CSMD1: variants seen among roughly 807,000 people sequenced by gnomAD.
CSMD1 encodes the protein CUB and Sushi multiple domains 1.
In CSMD1, 213 loss-of-function variants were observed where a neutral mutation model predicts 417.5. That is an observed-to-expected ratio of 0.51 (90% confidence interval 0.46 to 0.57). The LOEUF is 0.57. CSMD1 is among the 20% of genes least tolerant of loss of function. The pLI is 0.00. For synonymous variants in CSMD1, 2,862 were observed against 1,736.8 expected, an observed-to-expected ratio of 1.65 and a Z score of -16.11; for missense variants, 6,923 against 4,529.7, an observed-to-expected ratio of 1.53 and a Z score of -15.17.
intron 5 of CSMD1, among the ~76,000 whole-genome samples, chr8:3,990,307 T>C (rs1180165780): frequency 6.6e-6 from 1 of 152,220 alleles, no homozygotes; most frequent in Non-Finnish European, 1.5e-5. Flanking sequence ...TATTTTTCAA[T>C]AAAATGAGGT....
At chr8:4,528,053 A>G (rs1176784571) in intron 2 of CSMD1, among the ~76,000 whole-genome samples, 1 of 152,164 alleles carries the variant, frequency 6.6e-6, no homozygotes, top group Non-Finnish European at 1.5e-5. Context: ...CAAAGCCTAG[A>G]GCCTTTCCCA....
At chr8:3,399,370 G>A (rs372131108) in intron 16 of CSMD1, 21 bp downstream of exon 16, 2 of 1,584,956 alleles carry the variant, frequency 1.3e-6, no homozygotes, top group Non-Finnish European at 1.7e-6. Context: ...GGGTCCAAAT[G>A]AAGACTAATT....
intron 8 of CSMD1, among the ~76,000 whole-genome samples, chr8:3,591,472 C>A (rs985888107): frequency 6.6e-6 from 1 of 152,150 alleles, no homozygotes; most frequent in African/African-American, 2.4e-5. Flanking sequence ...ACTTATTAAA[C>A]ATTGGTATCA....
intron 1 of CSMD1, among the ~76,000 whole-genome samples, chr8:4,659,676 G>T (rs1298373277): frequency 6.6e-6 from 1 of 152,058 alleles, no homozygotes; most frequent in Non-Finnish European, 1.5e-5. Flanking sequence ...ATGAGTATGG[G>T]GTTTCCTTTT....
At chr8:3,052,140 G>C (rs1009361331) in intron 50 of CSMD1, among the ~76,000 whole-genome samples, 12 of 152,102 alleles carry the variant, frequency 7.9e-5, no homozygotes, top group Non-Finnish European at 1.2e-4. Flanking sequence ...TTATTGCAGG[G>C]CTTAATGTCT....
chr8:3,866,182 A>C (rs992912131), intron 5 of CSMD1, among the ~76,000 whole-genome samples: 5 of 152,248 alleles, frequency 3.3e-5, no homozygotes, highest in African/African-American at 1.2e-4. Context: ...CTACATACAC[A>C]TCTAAGCCTA....
intron 1 of CSMD1, among the ~76,000 whole-genome samples, chr8:4,890,971 T>C (rs1383593295): frequency 6.6e-6 from 1 of 152,078 alleles, no homozygotes; most frequent in Admixed American, 6.5e-5. Flanking sequence ...TGGTGTTTGA[T>C]TTCATAGTAA....
At chr8:4,753,119 T>C (rs1456237545) in intron 1 of CSMD1, among the ~76,000 whole-genome samples, 1 of 152,150 alleles carries the variant, frequency 6.6e-6, no homozygotes, top group Non-Finnish European at 1.5e-5. Flanking sequence ...ATTTTATGGA[T>C]AAGAAAAGCG....
At chr8:3,754,707 G>A (rs1218015647) in intron 5 of CSMD1, among the ~76,000 whole-genome samples, 1 of 152,192 alleles carries the variant, frequency 6.6e-6, no homozygotes, top group Non-Finnish European at 1.5e-5. Flanking sequence ...TGCCTGCCTT[G>A]GCCTTCCAAA....
chr8:4,115,321 G>T (rs1014124693), intron 3 of CSMD1, among the ~76,000 whole-genome samples: 1 of 152,112 alleles, frequency 6.6e-6, no homozygotes. Context: ...TAAAATTAAG[G>T]TATGTACACA....
intron 2 of CSMD1, among the ~76,000 whole-genome samples, chr8:4,587,125 C>T (rs1009539115): frequency 2.0e-5 from 3 of 152,114 alleles, no homozygotes; most frequent in Non-Finnish European, 4.4e-5. Flanking sequence ...ATTAGGTGCG[C>T]TCTCTTCTTC....
intron 3 of CSMD1, among the ~76,000 whole-genome samples, chr8:4,358,759 G>A (rs1397953568): frequency 6.6e-6 from 1 of 152,048 alleles, no homozygotes; most frequent in Non-Finnish European, 1.5e-5. Flanking sequence ...ATTTCAAAAA[G>A]CAATTAGGTT....
chr8:3,721,901 C>G (rs932609539), intron 6 of CSMD1, among the ~76,000 whole-genome samples: 1 of 152,078 alleles, frequency 6.6e-6, no homozygotes, highest in African/African-American at 2.4e-5. Context: ...AGCTGACTGT[C>G]CACAATGGGA....
chr8:3,663,364 T>C (rs1798517013), intron 7 of CSMD1, among the ~76,000 whole-genome samples: 1 of 152,122 alleles, frequency 6.6e-6, no homozygotes, highest in Admixed American at 6.5e-5. Flanking sequence ...AGTTTGACTT[T>C]ATAAAGGGGC....
chr8:3,935,204 G>A (rs1018827270), intron 5 of CSMD1, among the ~76,000 whole-genome samples: 8 of 152,112 alleles, frequency 5.3e-5, no homozygotes, highest in Non-Finnish European at 1.0e-4. Flanking sequence ...TAATAACAAA[G>A]CTCCAACAGA....
intron 3 of CSMD1, among the ~76,000 whole-genome samples, chr8:4,292,717 G>C (rs77676750): frequency 0.065 from 9,938 of 152,082 alleles, 442 homozygotes; most frequent in African/African-American, 0.11. Context: ...CTATGTTATA[G>C]TCTTAATATT....
intron 3 of CSMD1, among the ~76,000 whole-genome samples, chr8:4,244,424 G>C (rs1007518592): frequency 2.0e-5 from 3 of 152,080 alleles, no homozygotes; most frequent in African/African-American, 7.2e-5. Context: ...AGAAAAGCAG[G>C]CCTGTATATT....
chr8:4,051,540 G>C (rs184475555), intron 3 of CSMD1, among the ~76,000 whole-genome samples: 3 of 152,186 alleles, frequency 2.0e-5, no homozygotes, highest in African/African-American at 7.2e-5. Context: ...CGAATCAGCA[G>C]AGAAAAGCAA....
intron 3 of CSMD1, among the ~76,000 whole-genome samples, chr8:4,198,913 A>G (rs762063119): frequency 5.3e-5 from 8 of 151,466 alleles, no homozygotes; most frequent in African/African-American, 7.3e-5. Context: ...CTTTCCTTCC[A>G]CGCAGGTTTT....
Sources: gnomAD v4.1 joint callset for allele counts (sites outside exome capture counted in the v4.1 genomes callset) on GRCh38, gnomAD v4.1.1 for gene constraint, MANE v1.5 for transcripts, NCBI Gene and HGNC (gene_info 2026-07-23, HGNC 2026-07-21) for gene names.